The following STT3B variants were observed in gnomAD, a reference collection of about 807,000 sequenced individuals.
STT3B encodes the protein STT3 oligosaccharyltransferase complex catalytic subunit B, also known as dolichyl-diphosphooligosaccharide--protein glycosyltransferase subunit STT3B.
Under a neutral mutation model 96.8 loss-of-function variants are expected in STT3B, and 29 were observed. That is an observed-to-expected ratio of 0.30 (90% CI 0.22 to 0.41). STT3B has a LOEUF of 0.41. Ranked by LOEUF, STT3B falls within the 10% of genes least tolerant of loss-of-function variation. The probability of loss-of-function intolerance (pLI) is 1.00; values close to 1 mark genes in which losing one functional copy is unlikely to be tolerated. For missense variants in STT3B, 640 were observed against 1,022.3 expected, an observed-to-expected ratio of 0.63 and a Z score of 5.10; for synonymous variants, 367 against 360.0, an observed-to-expected ratio of 1.02 and a Z score of -0.22.
intron 3 of STT3B, among the ~76,000 whole-genome samples, chr3:31,582,420 G>A (rs1433811849): frequency 1.3e-4 from 19 of 150,432 alleles, no homozygotes; most frequent in African/African-American, 4.1e-4. Context: ...TCAGCCTCCC[G>A]AGTAGCTGGG....
chr3:31,574,589 A>G (rs959444090), intron 1 of STT3B, among the ~76,000 whole-genome samples: 2 of 152,230 alleles, frequency 1.3e-5, no homozygotes, highest in Middle Eastern at 3.4e-3. Context: ...TGATCTGGTA[A>G]ATACTTCTTG....
intron 9 of STT3B, chr3:31,620,130 C>G: frequency 2.5e-6 from 1 of 395,840 alleles, no homozygotes; most frequent in South Asian, 2.5e-5. Context: ...CAAAAATTAG[C>G]CGAACATGGT....
chr3:31,590,534 CAT>C (rs1410053323), intron 3 of STT3B, among the ~76,000 whole-genome samples: 1 of 152,028 alleles, frequency 6.6e-6, no homozygotes, highest in Admixed American at 6.6e-5. Flanking sequence ...TTCTTTGACT[CAT>C]GGGTTTTTTC....
intron 1 of STT3B, among the ~76,000 whole-genome samples, chr3:31,566,477 TA>T: frequency 6.6e-6 from 1 of 152,314 alleles, no homozygotes; most frequent in South Asian, 2.1e-4. Flanking sequence ...CATGTTTTTT[TA>T]AAACAATAAT....
chr3:31,560,445 A>G (rs1697848002), intron 1 of STT3B, among the ~76,000 whole-genome samples: 1 of 151,986 alleles, frequency 6.6e-6, no homozygotes, highest in Non-Finnish European at 1.5e-5. Context: ...AGGCTAGTGT[A>G]GTGATTATGA....
At chr3:31,631,439 C>T (rs572043860) in intron 14 of STT3B, among the ~76,000 whole-genome samples, 1 of 152,194 alleles carries the variant, frequency 6.6e-6, no homozygotes, top group Non-Finnish European at 1.5e-5. Context: ...AGTTTCTCTG[C>T]TCACTACTGA....
rs1247333253 is a variant in STT3B at position 31,611,213 on chromosome 3, AAAG to A, written c.878-3887_878-3885del. Among the ~76,000 whole-genome samples the A allele has an allele frequency of 2.0e-5, 3 of 152,164 alleles. No homozygotes were observed. In the East Asian group the frequency reaches 5.8e-4, roughly 29 times the overall value. ...TACCTCTTCGAAGTCCATGTCAAGA[AAAG>A]AAGAGATCTTAAGTTTTATAGAGCC... On this transcript the variant is annotated intron_variant, in intron 5 of 15. Transcript: ENST00000295770.
chr3:31,578,558 G>GT (rs200448375), intron 2 of STT3B, among the ~76,000 whole-genome samples: 21 of 147,940 alleles, frequency 1.4e-4, no homozygotes, highest in East Asian at 4.4e-4. Context: ...AATTCACTTT[G>GT]TTTTTTTTTC....
Position 31,633,090 on chromosome 3 carries a change from A to G in STT3B, c.2343A>G (p.Leu781=), listed in dbSNP as rs138530495. Residue 781 remains leucine, a synonymous_variant, in exon 15 of 16, where the codon TTA becomes TTG. Coordinates refer to ENST00000295770, the MANE Select transcript of STT3B (RefSeq NM_178862.3). ...AAGCACCTGATAACAGGGAGACATT[A>G]GATCACAAACCTCGAGTCACCAACA... The part of the protein sequence containing the change: ...KVKAPDNRET[L]DHKPRVTNIF... The G allele has an allele frequency of 4.5e-5, 73 of 1,614,138 alleles. No homozygotes were observed. In the African/African-American group the frequency reaches 8.8e-4, roughly 19 times the overall value.
intron 4 of STT3B, among the ~76,000 whole-genome samples, chr3:31,599,857 A>G (rs1055603508): frequency 1.3e-5 from 2 of 152,152 alleles, no homozygotes. Context: ...TTCATGCCCA[A>G]CTAGCACTTT....
At chr3:31,633,187 G>T in intron 15 of STT3B, 40 bp downstream of exon 15, 7 of 1,545,296 alleles carry the variant, frequency 4.5e-6, no homozygotes, top group Non-Finnish European at 6.1e-6. Context: ...AACTTAAGGT[G>T]TGTTGGTTTG....
At chr3:31,591,657 TCTC>T (rs1200745390) in intron 3 of STT3B, among the ~76,000 whole-genome samples, 3 of 152,114 alleles carry the variant, frequency 2.0e-5, no homozygotes, top group South Asian at 2.1e-4. Context: ...TTTTCTCTCC[TCTC>T]CTCTGTGCTG....
At chr3:31,555,301 G>A (rs1444467836) in intron 1 of STT3B, among the ~76,000 whole-genome samples, 1 of 152,048 alleles carries the variant, frequency 6.6e-6, no homozygotes, top group Non-Finnish European at 1.5e-5. Flanking sequence ...TCTTGAGGTG[G>A]TTCCTAGCTA....
chr3:31,561,165 C>G (rs1575414591), intron 1 of STT3B, among the ~76,000 whole-genome samples: 1 of 150,772 alleles, frequency 6.6e-6, no homozygotes, highest in African/African-American at 2.4e-5. Context: ...TTTCTGATTT[C>G]TTTATATTGT....
chr3:31,595,037 T>C (rs185278859), intron 3 of STT3B, among the ~76,000 whole-genome samples: 215 of 152,248 alleles, frequency 1.4e-3, no homozygotes, highest in African/African-American at 4.8e-3. Context: ...TTGTCCATGA[T>C]TGAAGCATGG....
chr3:31,565,621 G>A (rs1412267565), intron 1 of STT3B, among the ~76,000 whole-genome samples: 1 of 152,196 alleles, frequency 6.6e-6, no homozygotes, highest in Non-Finnish European at 1.5e-5. Context: ...AGAAATGTGA[G>A]CTAGAGATAG....
rs112350224 is a variant in STT3B, at chr3:31,590,354, C to G, written c.712-6444C>G. On this transcript the variant is annotated intron_variant, in intron 3 of 15. Transcript: ENST00000295770. ...CCTTCTAATTCACACTTGGTTTACT[C>G]TTTTCTAGCTTCTTAAAGTTGAAGC... is the stretch of plus-strand genomic sequence containing the variant. 2.4e-4 allele frequency among the ~76,000 whole-genome samples: 37 copies of G among 151,880 alleles called. 1 individual carries two copies. Among genetic ancestry groups the G allele is most frequent in the African/African-American group, 8.7e-4 (36 of 41,484 alleles).
At chr3:31,575,808 T>C (rs1490255072) in intron 1 of STT3B, among the ~76,000 whole-genome samples, 1 of 152,086 alleles carries the variant, frequency 6.6e-6, no homozygotes, top group East Asian at 1.9e-4. Context: ...GACAGCTGCT[T>C]TATACTAAAC....
At chr3:31,560,513 A>G (rs1282172227) in intron 1 of STT3B, among the ~76,000 whole-genome samples, 1 of 152,110 alleles carries the variant, frequency 6.6e-6, no homozygotes. Flanking sequence ...TTTATGAAGG[A>G]TAATTTGCTG....
Sources: gnomAD v4.1 joint callset for allele counts (sites outside exome capture counted in the v4.1 genomes callset) on GRCh38, gnomAD v4.1.1 for gene constraint, MANE v1.5 for transcripts, NCBI Gene and HGNC (gene_info 2026-07-23, HGNC 2026-07-21) for gene names.